Variants in LPIN1 observed in about 807,000 individuals in gnomAD.
LPIN1 encodes phosphatidate phosphatase LPIN1.
A neutral mutation model predicts 107.5 loss-of-function variants in LPIN1; 71 were observed. The observed-to-expected ratio is 0.66, with a 90% CI of 0.55 to 0.80. The LOEUF is 0.80. Among genes scored for constraint, LPIN1 ranks in the 30% least tolerant of loss-of-function variants. LPIN1 has a pLI of 0.00. For missense variants in LPIN1, 1,043 were observed against 1,160.6 expected (o/e 0.90, Z 1.47); for synonymous variants, 445 against 452.6 (o/e 0.98, Z 0.21).
chr2:11,794,923 G>A (rs1676404321), intron 13 of LPIN1, among the ~76,000 whole-genome samples: 1 of 152,158 alleles, frequency 6.6e-6, no homozygotes, highest in African/African-American at 2.4e-5. Flanking sequence ...AGAAATCCAA[G>A]GTTCTTTCCA....
intron 1 of LPIN1, among the ~76,000 whole-genome samples, chr2:11,740,247 G>A (rs1572494365): frequency 6.6e-6 from 1 of 152,280 alleles, no homozygotes; most frequent in South Asian, 2.1e-4. Flanking sequence ...ATGGAGCCCA[G>A]CCCACACAGG....
At chr2:11,761,161 A>G (rs1032247119) in intron 1 of LPIN1, among the ~76,000 whole-genome samples, 2 of 147,790 alleles carry the variant, frequency 1.4e-5, no homozygotes, top group Middle Eastern at 3.4e-3. Context: ...TACTGCTTGC[A>G]CGTAGTTTTA....
At chr2:11,684,403 CCT>C (rs1661889935) in intron 1 of LPIN1, among the ~76,000 whole-genome samples, 2 of 152,154 alleles carry the variant, frequency 1.3e-5, no homozygotes, top group Non-Finnish European at 2.9e-5. Context: ...ATCTTGAACT[CCT>C]AGCCTCAAAT....
Position 11,680,212 on chromosome 2 carries a change from C to T in LPIN1, c.81+2484C>T, listed in dbSNP as rs192991882. Among the ~76,000 whole-genome samples the T allele has an allele frequency of 2.2e-3, 330 of 152,012 alleles. 1 individual carries two copies. The highest frequency in any genetic ancestry group is 7.5e-3 in the African/African-American group (310 of 41,452). ...GCAGGGCTGGCTGGCTTCTGGGAAG[C>T]GTAAAAGTGGCTCAGCCACCATAGG... On this transcript the variant is annotated intron_variant, in intron 1 of 21. Coordinates refer to the LPIN1 transcript ENST00000449576.
At chr2:11,760,992 G>T (rs773891851) in intron 1 of LPIN1, among the ~76,000 whole-genome samples, 6 of 152,168 alleles carry the variant, frequency 3.9e-5, no homozygotes, top group Non-Finnish European at 8.8e-5. Flanking sequence ...GAAATGGGGC[G>T]TGTCAATCCA....
intron 1 of LPIN1, among the ~76,000 whole-genome samples, chr2:11,732,905 CTCTCTCTGTGTGTG>C (rs1665387284): frequency 6.8e-6 from 1 of 146,952 alleles, no homozygotes; most frequent in African/African-American, 2.7e-5. Context: ...CTCTCTCTCT[CTCTCTCTGTGTGTG>C]TGTGTGTGTG....
At chr2:11,807,447 G>T (rs1391969239) in intron 17 of LPIN1, among the ~76,000 whole-genome samples, 1 of 151,820 alleles carries the variant, frequency 6.6e-6, no homozygotes, top group East Asian at 1.9e-4. Flanking sequence ...TGATTCATTT[G>T]GTTTTTGGAA....
At chr2:11,710,897 T>C (rs13432334) in intron 1 of LPIN1, among the ~76,000 whole-genome samples, 23,493 of 152,128 alleles carry the variant, frequency 0.15, 2,010 homozygotes, top group East Asian at 0.3. Context: ...TATTTTCTAC[T>C]TAGCTGTGAA....
chr2:11,695,288 A>C (rs7597552), intron 1 of LPIN1, among the ~76,000 whole-genome samples: 19,835 of 152,198 alleles, frequency 0.13, 3,825 homozygotes, highest in African/African-American at 0.42. Context: ...AATGGAAAAA[A>C]ATGAAGCAAG....
At chr2:11,763,089 G>C (rs1670108316) in intron 1 of LPIN1, 1 of 152,228 alleles carries the variant, frequency 6.6e-6, no homozygotes, top group Non-Finnish European at 1.5e-5. Flanking sequence ...GAGGAGAAGA[G>C]AGTCTAGGAC....
chr2:11,816,458 A>G (rs923420515), intron 18 of LPIN1: 2 of 152,240 alleles, frequency 1.3e-5, no homozygotes, highest in Admixed American at 1.3e-4. Context: ...CGTTACTCCG[A>G]CATCCTAACA....
At chr2:11,738,397 AAAAG>A (rs1400532293) in intron 1 of LPIN1, among the ~76,000 whole-genome samples, 1 of 151,596 alleles carries the variant, frequency 6.6e-6, no homozygotes, top group African/African-American at 2.4e-5. Flanking sequence ...AAAAAAAAAA[AAAAG>A]AAGAAGAAGA....
At chr2:11,710,869 T>C (rs957191759) in intron 1 of LPIN1, among the ~76,000 whole-genome samples, 3 of 152,068 alleles carry the variant, frequency 2.0e-5, no homozygotes, top group African/African-American at 7.2e-5. Flanking sequence ...CAACAAATAG[T>C]TGTGGGCAGA....
At chr2:11,768,397 C>T (rs1003981584) in intron 3 of LPIN1, among the ~76,000 whole-genome samples, 1 of 152,116 alleles carries the variant, frequency 6.6e-6, no homozygotes. Flanking sequence ...ATCGCCTCCC[C>T]TATACTCCAC....
chr2:11,735,482 T>A (rs747505699), intron 1 of LPIN1, among the ~76,000 whole-genome samples: 3 of 152,200 alleles, frequency 2.0e-5, no homozygotes, highest in Non-Finnish European at 4.4e-5. Context: ...TCTAGGAGAT[T>A]GACAATAACT....
intron 3 of LPIN1, among the ~76,000 whole-genome samples, chr2:11,770,819 G>A (rs1233699544): frequency 6.6e-6 from 1 of 152,172 alleles, no homozygotes; most frequent in Non-Finnish European, 1.5e-5. Flanking sequence ...TCGATGTTCA[G>A]GGCCCTCCTT....
intron 1 of LPIN1, among the ~76,000 whole-genome samples, chr2:11,758,097 A>C (rs1051630123): frequency 6.6e-6 from 1 of 152,164 alleles, no homozygotes; most frequent in Admixed American, 6.5e-5. Flanking sequence ...CATGTATCAG[A>C]ATTTCCTTTC....
chr2:11,733,944 C>T (rs62113296), intron 1 of LPIN1, among the ~76,000 whole-genome samples: 1 of 152,150 alleles, frequency 6.6e-6, no homozygotes, highest in African/African-American at 2.4e-5. Context: ...AAATTCAATG[C>T]GATTAAATGT....
chr2:11,693,796 A>ATATATATAT (rs1553398378), intron 1 of LPIN1, among the ~76,000 whole-genome samples: 51 of 21,162 alleles, frequency 2.4e-3, no homozygotes, highest in Non-Finnish European at 3.6e-3. Flanking sequence ...GTGTATATAT[A>ATATATATAT]TATATATATA....
Sources: gnomAD v4.1 joint callset for allele counts (sites outside exome capture counted in the v4.1 genomes callset) on GRCh38, gnomAD v4.1.1 for gene constraint, MANE v1.5 for transcripts, NCBI Gene and HGNC (gene_info 2026-07-23, HGNC 2026-07-21) for gene names.